Variants in POFUT3 observed in about 807,000 individuals in gnomAD.
POFUT3 encodes the protein protein O-fucosyltransferase 3.
chr8:33,308,905 C>T, the POFUT3 span, among the ~76,000 whole-genome samples: 3 of 150,120 alleles, frequency 2.0e-5, no homozygotes, highest in Admixed American at 1.3e-4. Flanking sequence ...GGTGGTGAAT[C>T]GTCCATAGTC....
the POFUT3 span, among the ~76,000 whole-genome samples, chr8:33,426,046 G>T: frequency 6.6e-6 from 1 of 152,234 alleles, no homozygotes; most frequent in South Asian, 2.1e-4. Context: ...TGGGATTACA[G>T]GTGCCTGCCA....
chr8:33,398,802 T>A, the POFUT3 span, among the ~76,000 whole-genome samples: 2 of 152,348 alleles, frequency 1.3e-5, 1 homozygote, highest in South Asian at 4.1e-4. Context: ...AGATCTCATC[T>A]GTATTTTCTT....
chr8:33,465,017 A>G, the POFUT3 span, among the ~76,000 whole-genome samples: 1 of 152,134 alleles, frequency 6.6e-6, no homozygotes. Context: ...TTGGGTCCCA[A>G]TCCTGGTTCT....
chr8:33,438,370 G>C, the POFUT3 span, among the ~76,000 whole-genome samples: 3 of 152,310 alleles, frequency 2.0e-5, no homozygotes, highest in African/African-American at 7.2e-5. Context: ...TTGAGCCCAG[G>C]AGTTCAAGAC....
At chr8:33,360,367 A>C in the POFUT3 span, among the ~76,000 whole-genome samples, 1 of 151,734 alleles carries the variant, frequency 6.6e-6, no homozygotes, top group Admixed American at 6.6e-5. Context: ...AATCACTTGA[A>C]CCCAGGAGGC....
At chr8:33,333,086 C>CA in the POFUT3 span, among the ~76,000 whole-genome samples, 1 of 152,170 alleles carries the variant, frequency 6.6e-6, no homozygotes, top group Non-Finnish European at 1.5e-5. Context: ...AATGCTCCAC[C>CA]AAAAGGCAGA....
the POFUT3 span, among the ~76,000 whole-genome samples, chr8:33,435,995 G>A: frequency 6.6e-6 from 1 of 152,106 alleles, no homozygotes; most frequent in Non-Finnish European, 1.5e-5. Flanking sequence ...GCAGGAGGCA[G>A]GGAGGAGACA....
chr8:33,403,757 T>C, the POFUT3 span, among the ~76,000 whole-genome samples: 1 of 152,082 alleles, frequency 6.6e-6, no homozygotes, highest in African/African-American at 2.4e-5. Flanking sequence ...AAATTTATAA[T>C]GGGTTAATTT....
chr8:33,434,577 G>A, the POFUT3 span, among the ~76,000 whole-genome samples: 6 of 152,110 alleles, frequency 3.9e-5, no homozygotes, highest in Admixed American at 2.6e-4. Flanking sequence ...AAGCATAAAA[G>A]CTATTACCTT....
At chr8:33,312,139 G>A in the POFUT3 span, among the ~76,000 whole-genome samples, 1,843 of 152,124 alleles carry the variant, frequency 0.012, 35 homozygotes, top group African/African-American at 0.043. Context: ...GCACATACCT[G>A]TAGTTCCAGC....
At chr8:33,328,196 G>A in the POFUT3 span, among the ~76,000 whole-genome samples, 10 of 152,074 alleles carry the variant, frequency 6.6e-5, no homozygotes, top group African/African-American at 2.4e-4. Context: ...GTCCGAGGAG[G>A]GGTGACTCCT....
chr8:33,390,612 T>A, the POFUT3 span, among the ~76,000 whole-genome samples: 1 of 138,292 alleles, frequency 7.2e-6, no homozygotes, highest in Non-Finnish European at 1.5e-5. Flanking sequence ...AGAAGATAGA[T>A]TTTTTTAATC....
the POFUT3 span, chr8:33,377,515 T>G: frequency 2.0e-5 from 3 of 152,300 alleles, no homozygotes; most frequent in Non-Finnish European, 4.4e-5. Context: ...TCAGTAATAT[T>G]ACCCTATTTC....
the POFUT3 span, among the ~76,000 whole-genome samples, chr8:33,438,062 T>C: frequency 2.6e-5 from 4 of 152,154 alleles, no homozygotes; most frequent in African/African-American, 7.2e-5. Context: ...AAGCAAAATA[T>C]TTTGTGATCA....
chr8:33,427,514 G>A, the POFUT3 span, among the ~76,000 whole-genome samples: 2 of 152,064 alleles, frequency 1.3e-5, no homozygotes, highest in East Asian at 3.9e-4. Flanking sequence ...AGGAGGCAGA[G>A]GTTGCGGTGA....
At chr8:33,337,894 C>T in the POFUT3 span, among the ~76,000 whole-genome samples, 1 of 152,168 alleles carries the variant, frequency 6.6e-6, no homozygotes, top group Non-Finnish European at 1.5e-5. Context: ...TGGTTTCTTC[C>T]AAGATCTATG....
At chr8:33,416,847 A>G in the POFUT3 span, among the ~76,000 whole-genome samples, 478 of 151,632 alleles carry the variant, frequency 3.2e-3, 1 homozygote, top group African/African-American at 5.6e-3. Context: ...AAAAAAAAAA[A>G]AAAGAAAGAA....
the POFUT3 span, among the ~76,000 whole-genome samples, chr8:33,384,866 A>G: frequency 1.3e-5 from 2 of 152,152 alleles, no homozygotes; most frequent in South Asian, 2.1e-4. Flanking sequence ...GGTATTTTGT[A>G]CAACACTAAC....
At chr8:33,342,162 CAGAA>C in the POFUT3 span, among the ~76,000 whole-genome samples, 5 of 151,790 alleles carry the variant, frequency 3.3e-5, no homozygotes, top group African/African-American at 1.2e-4. Flanking sequence ...GCCTGGGAGA[CAGAA>C]AGAGAGACTT....
Sources: gnomAD v4.1 joint callset for allele counts (sites outside exome capture counted in the v4.1 genomes callset) on GRCh38, gnomAD v4.1.1 for gene constraint, MANE v1.5 for transcripts, NCBI Gene and HGNC (gene_info 2026-07-23, HGNC 2026-07-21) for gene names.